Variants in ATR observed in about 807,000 individuals in gnomAD.
ATR encodes the protein serine/threonine-protein kinase ATR.
In ATR, 142 loss-of-function variants were observed where a neutral mutation model predicts 305.3. That is an observed-to-expected ratio of 0.47 (90% CI 0.41 to 0.53). The LOEUF (loss-of-function observed/expected upper bound fraction) is 0.53. ATR is among the 20% of genes least tolerant of loss of function. The pLI is 0.00. For missense variants in ATR, 2,135 were observed against 3,133.1 expected, an observed-to-expected ratio of 0.68 and a Z score of 7.60; for synonymous variants, 1,050 against 1,068.1, an observed-to-expected ratio of 0.98 and a Z score of 0.33.
At chr3:142,491,034 AGTT>A (rs1469454443) in intron 35 of ATR, among the ~76,000 whole-genome samples, 2 of 152,048 alleles carry the variant, frequency 1.3e-5, no homozygotes, top group Non-Finnish European at 2.9e-5. Context: ...ACACTTTTAA[AGTT>A]GTTGTTAGTA....
At chr3:142,499,103 G>T in intron 31 of ATR, 2 of 378,940 alleles carry the variant, frequency 5.3e-6, no homozygotes, top group Non-Finnish European at 1.0e-5. Flanking sequence ...CTGGTCTAGA[G>T]CTCTTGGCTT....
rs201438783 is a variant in ATR at position 142,540,988 on chromosome 3, T to C, written c.3497A>G (p.His1166Arg). 110 of 1,613,692 alleles carry C rather than the reference T, an allele frequency of 6.8e-5. 2 individuals are homozygous for C. In the Admixed American group the frequency reaches 1.0e-3, roughly 15 times the overall value. Residue 1166 changes from histidine (H) to arginine (R), a missense_variant, in exon 18 of 47, where the codon CAT becomes CGT. Around this residue, in one of 9 missense-constraint regions of ATR, gnomAD observed 530 missense variants for 766.8 expected, o/e 0.69. Transcript: ENST00000350721. ...CATCTTCACCCTCACAGAACTGACA[T>C]GTTTGGGTCCCATTAACTTCATCAA... ...MSLMKLMGPK[H>R]VSSVRVKMMT...
rs1302113232 is a variant in ATR, at chr3:142,493,064, C to A, written c.6078+68G>T. On this transcript the variant is annotated intron_variant, in intron 35 of 46. Transcript: ENST00000350721. ...TGGTTATTTTTATACATGTGCTTTG[C>A]CATATAGACTTAAGTCATTTTACGT... The A allele has an allele frequency of 2.6e-6, 4 of 1,542,816 alleles. No individual in the cohort carries two copies. In the South Asian group the frequency reaches 3.5e-5, roughly 14 times the overall value.
intron 21 of ATR, among the ~76,000 whole-genome samples, chr3:142,530,437 A>G (rs2033592310): frequency 6.6e-6 from 1 of 151,942 alleles, no homozygotes; most frequent in Admixed American, 6.6e-5. Flanking sequence ...CTTTATTTTC[A>G]TTTTCTATTT....
intron 2 of ATR, 24 bp from the exon 3 acceptor site, chr3:142,566,285 A>G: frequency 6.2e-7 from 1 of 1,611,100 alleles, no homozygotes; most frequent in Non-Finnish European, 8.5e-7. Context: ...ATTCATTTTA[A>G]AGAGTCATGA....
rs1241494045 is a variant in ATR at position 142,563,121 on chromosome 3, A to G, written c.293-12T>C. The G allele has an allele frequency of 6.3e-7, 1 of 1,596,746 alleles. No homozygotes were observed. The highest frequency in any genetic ancestry group is 2.2e-5 in the East Asian group (1 of 44,828). ...CCAATTACTGAATTCTTTGAAATAA[A>G]CAAAAAAGATATTAAATAAACAAGT... On this transcript the variant is annotated splice_polypyrimidine_tract_variant and intron_variant, in intron 3 of 46. Transcript: ENST00000350721.
intron 21 of ATR, among the ~76,000 whole-genome samples, chr3:142,526,908 A>G (rs559673135): frequency 1.3e-5 from 2 of 151,628 alleles, no homozygotes; most frequent in African/African-American, 4.8e-5. Flanking sequence ...TCCCACCTCA[A>G]CCTCCAAGTA....
At chr3:142,545,222 G>A (rs182846035) in intron 16 of ATR, among the ~76,000 whole-genome samples, 4 of 152,010 alleles carry the variant, frequency 2.6e-5, no homozygotes, top group Non-Finnish European at 5.9e-5. Flanking sequence ...TAAATAAGTA[G>A]TAAGTATGTA....
At chr3:142,575,370 C>A (rs1257063048) in intron 1 of ATR, among the ~76,000 whole-genome samples, 1 of 149,824 alleles carries the variant, frequency 6.7e-6, no homozygotes, top group Non-Finnish European at 1.5e-5. Context: ...GTCCCAGCTA[C>A]AGGAAAGGGA....
intron 41 of ATR, among the ~76,000 whole-genome samples, chr3:142,464,489 T>A (rs2108269690): frequency 6.6e-6 from 1 of 152,260 alleles, no homozygotes; most frequent in East Asian, 1.9e-4. Context: ...CAAATGTCCA[T>A]CACTGGATAA....
Position 142,568,638 on chromosome 3 carries a change from C to T in ATR, c.60-484G>A, listed in dbSNP as rs549460528. Among the ~76,000 whole-genome samples, 229 of 152,308 alleles carry T rather than the reference C, an allele frequency of 1.5e-3. 2 individuals are homozygous for T. The highest frequency in any genetic ancestry group is 5.4e-3 in the African/African-American group (223 of 41,574). Reference sequence around the variant, plus strand: ...CCAGCCATCCTGGGTGCAGCTGCAGCCGCCCAACCACGGCTGCAAACCCAG... The same window carrying T: ...CCAGCCATCCTGGGTGCAGCTGCAGTCGCCCAACCACGGCTGCAAACCCAG... On this transcript the variant is annotated intron_variant, in intron 1 of 46. Transcript: ENST00000350721.
intron 16 of ATR, among the ~76,000 whole-genome samples, chr3:142,546,350 C>T (rs1286112464): frequency 6.6e-6 from 1 of 152,310 alleles, no homozygotes; most frequent in East Asian, 1.9e-4. Flanking sequence ...GGTTCCTTAA[C>T]ATTCCTTGCT....
rs922544365 is a variant in ATR at position 142,458,873 on chromosome 3, A to G, written c.7503+85T>C. ...CTCAACTGTGAGTATAACTGCTACT[A>G]ACAGGTATGTCAAGGAAGATACAGT... On this transcript the variant is annotated intron_variant, in intron 44 of 46. Coordinates refer to ENST00000350721, the MANE Select transcript of ATR (RefSeq NM_001184.4). The G allele has an allele frequency of 5.5e-6, 8 of 1,454,894 alleles. No homozygotes were observed. In the Admixed American group the frequency reaches 1.2e-4, roughly 23 times the overall value. 90.1% of individuals were successfully genotyped at this position (1,454,894 alleles called of 1,614,324 possible).
chr3:142,524,272 T>A, intron 21 of ATR, 73 bp from the exon 22 acceptor site: 1 of 1,334,388 alleles, frequency 7.5e-7, no homozygotes, highest in Non-Finnish European at 1.0e-6. Flanking sequence ...CTAGGAAGCT[T>A]AAAAATATTA....
chr3:142,515,331 A>G (rs1451321625), intron 25 of ATR, 64 bp downstream of exon 25: 30 of 1,590,484 alleles, frequency 1.9e-5, no homozygotes, highest in Non-Finnish European at 8.6e-7. Context: ...CTAGGCATTC[A>G]GATAGATGTT....
intron 34 of ATR, among the ~76,000 whole-genome samples, chr3:142,494,333 T>G (rs1324675773): frequency 1.3e-5 from 2 of 152,116 alleles, no homozygotes; most frequent in African/African-American, 2.4e-5. Context: ...TTCAGGGAAT[T>G]GAAGACAATC....
At chr3:142,472,951 T>G (rs2071327689) in intron 36 of ATR, among the ~76,000 whole-genome samples, 1 of 152,168 alleles carries the variant, frequency 6.6e-6, no homozygotes, top group African/African-American at 2.4e-5. Context: ...GGTGATTTGC[T>G]TTCTTACTAT....
intron 1 of ATR, among the ~76,000 whole-genome samples, chr3:142,577,651 T>G (rs1052129778): frequency 6.6e-6 from 1 of 152,236 alleles, no homozygotes; most frequent in African/African-American, 2.4e-5. Context: ...GAAAGAGAAG[T>G]AGCTATCCCA....
chr3:142,479,875 G>T (rs562235732), intron 36 of ATR, among the ~76,000 whole-genome samples: 4 of 152,004 alleles, frequency 2.6e-5, no homozygotes, highest in African/African-American at 9.7e-5. Context: ...CCAGTTGATC[G>T]AATCGGCTAC....
Sources: gnomAD v4.1 joint callset for allele counts (sites outside exome capture counted in the v4.1 genomes callset) on GRCh38, gnomAD v4.1.1 for gene constraint, gnomAD v4.1.1 regional missense constraint, MANE v1.5 for transcripts, NCBI Gene and HGNC (gene_info 2026-07-23, HGNC 2026-07-21) for gene names.